The following ASCC3 variants were observed in gnomAD, a reference collection of about 807,000 sequenced individuals.
ASCC3 encodes ASC-1 complex subunit P200.
A neutral mutation model predicts 256.3 loss-of-function variants in ASCC3; 158 were observed. The observed-to-expected ratio is 0.62, with a 90% CI of 0.54 to 0.70. The LOEUF is 0.70. ASCC3 is among the 30% of genes least tolerant of loss of function. The probability of loss-of-function intolerance (pLI) is 0.00; values close to 1 mark genes in which losing one functional copy is unlikely to be tolerated. For missense variants in ASCC3, 2,259 were observed against 2,626.0 expected, an observed-to-expected ratio of 0.86 and a Z score of 3.05; for synonymous variants, 948 against 883.4, an observed-to-expected ratio of 1.07 and a Z score of -1.30.
At position 100,798,746 on chromosome 6, in the gene ASCC3, C is replaced by G. The variant is rs569922457; in HGVS notation, c.1362G>C (p.Glu454Asp). The G allele has an allele frequency of 6.2e-7, 1 of 1,613,068 alleles. No homozygotes were observed. Among genetic ancestry groups the G allele is most frequent in the Non-Finnish European group, 8.5e-7 (1 of 1,179,504 alleles). The stretch of plus-strand genomic sequence containing the variant: ...AGTCTTGGATATAAACTGGCTTTTC[C>G]TCAAAGCTGAGTGGCATTGGTTCGC... ...PYSEPMPLSF[E>D]EKPVYIQDLD... Residue 454 changes from glutamate (E) to aspartate (D), a missense_variant, in exon 8 of 42, where the codon GAG (glutamate) becomes GAC (aspartate). Coordinates refer to ENST00000369162, the MANE Select transcript of ASCC3 (RefSeq NM_006828.4).
chr6:100,564,604 C>G (rs929706925), intron 36 of ASCC3, among the ~76,000 whole-genome samples: 3 of 152,170 alleles, frequency 2.0e-5, no homozygotes, highest in African/African-American at 7.2e-5. Context: ...TACCAAGCTA[C>G]AATCACTTCT....
intron 10 of ASCC3, among the ~76,000 whole-genome samples, chr6:100,744,206 T>C (rs564503324): frequency 4.7e-4 from 71 of 152,330 alleles, no homozygotes; most frequent in South Asian, 1.2e-3. Flanking sequence ...TAGTTTTTTA[T>C]TCCATATTTT....
intron 16 of ASCC3, among the ~76,000 whole-genome samples, chr6:100,658,864 A>C (rs1017457603): frequency 6.6e-6 from 1 of 151,600 alleles, no homozygotes; most frequent in African/African-American, 2.4e-5. Context: ...AGAAAGATTA[A>C]TATAGTTTTG....
intron 36 of ASCC3, among the ~76,000 whole-genome samples, chr6:100,568,386 A>G (rs1464839659): frequency 6.6e-6 from 1 of 150,752 alleles, no homozygotes; most frequent in Non-Finnish European, 1.5e-5. Context: ...AAAAAAAGCC[A>G]TTCTGACTGG....
intron 3 of ASCC3, among the ~76,000 whole-genome samples, chr6:100,862,882 CA>C (rs1773292104): frequency 6.6e-6 from 1 of 152,062 alleles, no homozygotes; most frequent in Admixed American, 6.5e-5. Flanking sequence ...TTTAAAATGA[CA>C]AAAAGGGATC....
intron 36 of ASCC3, among the ~76,000 whole-genome samples, chr6:100,542,636 G>A (rs1479184880): frequency 6.6e-6 from 1 of 151,644 alleles, no homozygotes; most frequent in Non-Finnish European, 1.5e-5. Context: ...GAGCCGAGAT[G>A]GCGCCACTGC....
At chr6:100,763,893 G>A (rs776195717) in intron 10 of ASCC3, among the ~76,000 whole-genome samples, 3 of 152,204 alleles carry the variant, frequency 2.0e-5, no homozygotes, top group Admixed American at 6.5e-5. Context: ...AAATACCTGT[G>A]TCTGCATACT....
intron 10 of ASCC3, among the ~76,000 whole-genome samples, chr6:100,763,070 A>C (rs1350991707): frequency 2.0e-5 from 3 of 152,238 alleles, no homozygotes. Context: ...TGAGGAAAGC[A>C]AGAAATTCAA....
In ASCC3 at chr6:100,862,327, C is replaced by T. The variant is rs190882411; in HGVS notation, c.241+1737G>A. Among the ~76,000 whole-genome samples the T allele has an allele frequency of 9.9e-5, 15 of 152,238 alleles. No homozygotes were observed. The East Asian group carries it at 2.9e-3, about 29-fold the overall frequency. ...ACTTCGGAAGATCTAACTGTACAAA[C>T]ATGAGACATTTTATACTTTCACAAC... On this transcript the variant is annotated intron_variant, in intron 3 of 41. Coordinates refer to ENST00000369162, the MANE Select transcript of ASCC3 (RefSeq NM_006828.4).
intron 20 of ASCC3, among the ~76,000 whole-genome samples, chr6:100,647,960 A>C (rs1391107557): frequency 6.6e-6 from 1 of 152,182 alleles, no homozygotes; most frequent in Non-Finnish European, 1.5e-5. Flanking sequence ...GGCTTCCTAT[A>C]AACCAAACAA....
At chr6:100,839,688 T>G (rs6570973) in intron 4 of ASCC3, among the ~76,000 whole-genome samples, 2,536 of 152,276 alleles carry the variant, frequency 0.017, 80 homozygotes, top group African/African-American at 0.059. Flanking sequence ...TAAAGGACTT[T>G]GAAAATTGAA....
At chr6:100,880,066 C>CA (rs1489839561) in intron 1 of ASCC3, among the ~76,000 whole-genome samples, 2 of 151,924 alleles carry the variant, frequency 1.3e-5, no homozygotes, top group African/African-American at 2.4e-5. Flanking sequence ...GAATGAATGA[C>CA]AAAAAACTGT....
chr6:100,779,141 A>C (rs905956826), intron 8 of ASCC3, among the ~76,000 whole-genome samples: 4 of 152,196 alleles, frequency 2.6e-5, no homozygotes, highest in African/African-American at 4.8e-5. Flanking sequence ...ACAGTTAAGT[A>C]AATTATGATA....
At chr6:100,737,100 T>C (rs1157977467) in intron 10 of ASCC3, among the ~76,000 whole-genome samples, 1 of 149,868 alleles carries the variant, frequency 6.7e-6, no homozygotes, top group Non-Finnish European at 1.5e-5. Context: ...TGAGCCGAGA[T>C]TGCACCACTG....
intron 4 of ASCC3, among the ~76,000 whole-genome samples, chr6:100,819,005 G>A (rs1339698190): frequency 1.3e-5 from 2 of 152,166 alleles, no homozygotes; most frequent in East Asian, 3.9e-4. Context: ...ATGAGTTCAT[G>A]TCCTTTGCAG....
chr6:100,808,317 A>G (rs961248629), intron 4 of ASCC3, among the ~76,000 whole-genome samples: 24 of 151,896 alleles, frequency 1.6e-4, no homozygotes, highest in African/African-American at 5.6e-4. Context: ...AGACCAATAG[A>G]TTTTCACAAA....
intron 13 of ASCC3, among the ~76,000 whole-genome samples, chr6:100,689,056 C>A (rs2114981055): frequency 6.6e-6 from 1 of 152,224 alleles, no homozygotes; most frequent in South Asian, 2.1e-4. Context: ...AGGACGTTAG[C>A]CATGTTTTTC....
At chr6:100,702,800 A>G (rs1183111768) in intron 13 of ASCC3, among the ~76,000 whole-genome samples, 2 of 152,126 alleles carry the variant, frequency 1.3e-5, no homozygotes, top group African/African-American at 4.8e-5. Flanking sequence ...CACAATTGTG[A>G]GCTCTTATTA....
At chr6:100,754,363 G>A (rs1337874008) in intron 10 of ASCC3, among the ~76,000 whole-genome samples, 1 of 152,150 alleles carries the variant, frequency 6.6e-6, no homozygotes, top group Non-Finnish European at 1.5e-5. Context: ...TGGGTACACA[G>A]TAGGTATTTA....
Sources: allele counts gnomAD v4.1 joint callset (sites outside exome capture counted in the v4.1 genomes callset), GRCh38; gene constraint gnomAD v4.1.1; transcripts MANE v1.5; gene names NCBI Gene and HGNC (gene_info 2026-07-23, HGNC 2026-07-21).